The following APAF1 variants were observed in gnomAD, a reference collection of about 807,000 sequenced individuals.
APAF1 encodes the protein apoptotic protease-activating factor 1.
Under a neutral mutation model 152.4 loss-of-function variants are expected in APAF1, and 91 were observed. That is an observed-to-expected ratio of 0.60 (90% confidence interval 0.50 to 0.71). The LOEUF is 0.71. APAF1 is among the 30% of genes least tolerant of loss of function. APAF1 has a pLI of 0.00. For missense variants in APAF1, 1,283 were observed against 1,472.0 expected (o/e 0.87, Z 2.10); for synonymous variants, 484 against 494.1 (o/e 0.98, Z 0.27).
intron 23 of APAF1, 126 bp downstream of exon 23, chr12:98,723,438 G>T: frequency 8.7e-7 from 1 of 1,150,334 alleles, no homozygotes; most frequent in Non-Finnish European, 1.3e-6. Context: ...TCTCATGCTT[G>T]TTTTCTGTTA....
chr12:98,708,712 T>A lies in APAF1; in HGVS notation c.2841+8T>A, dbSNP rs753313527. On this transcript the variant is annotated splice_region_variant and intron_variant, in intron 20 of 26. Coordinates refer to ENST00000551964, the MANE Select transcript of APAF1 (RefSeq NM_181861.2). ...CATATAAGACGTCTGCAAGTGAGTA[T>A]TTTTTAGAAAACAATTGGAAAATTG... is the stretch of plus-strand genomic sequence containing the variant. 7.3e-5 allele frequency: 117 copies of A among 1,610,940 alleles called. No homozygotes were observed. The highest frequency in any genetic ancestry group is 1.7e-4 in the Middle Eastern group (1 of 6,004).
At chr12:98,656,759 G>A (rs1288027176) in intron 4 of APAF1, among the ~76,000 whole-genome samples, 1 of 152,156 alleles carries the variant, frequency 6.6e-6, no homozygotes, top group Non-Finnish European at 1.5e-5. Flanking sequence ...AAGTGACATG[G>A]CAACTTTTTT....
intron 16 of APAF1, among the ~76,000 whole-genome samples, chr12:98,696,515 C>T (rs956875317): frequency 2.0e-5 from 3 of 152,196 alleles, no homozygotes; most frequent in East Asian, 1.9e-4. Flanking sequence ...AATTTCAACA[C>T]GAGTTTGGGT....
At chr12:98,648,127 G>C (rs7303489) in intron 1 of APAF1, among the ~76,000 whole-genome samples, 192 bp from the exon 2 acceptor site, 59,720 of 151,910 alleles carry the variant, frequency 0.39, 12,516 homozygotes, top group African/African-American at 0.56. Flanking sequence ...TCATTTTCTA[G>C]TTTCCCCAAT....
At chr12:98,722,482 G>A (rs529740738) in intron 22 of APAF1, among the ~76,000 whole-genome samples, 1 of 152,248 alleles carries the variant, frequency 6.6e-6, no homozygotes, top group Admixed American at 6.5e-5. Flanking sequence ...AAATACAGTT[G>A]CTTTTAGTAA....
chr12:98,648,140 G>T (rs1185815655), intron 1 of APAF1, among the ~76,000 whole-genome samples, 179 bp from the exon 2 acceptor site: 1 of 152,066 alleles, frequency 6.6e-6, no homozygotes, highest in African/African-American at 2.4e-5. Context: ...TCCCCAATTA[G>T]TGCATAAGAA....
intron 4 of APAF1, among the ~76,000 whole-genome samples, chr12:98,656,524 G>A (rs745631210): frequency 2.0e-5 from 3 of 152,192 alleles, no homozygotes; most frequent in Non-Finnish European, 2.9e-5. Flanking sequence ...TCTGTCTCCA[G>A]TTGTTTGTTA....
chr12:98,720,104 CT>C (rs890754237), intron 22 of APAF1, among the ~76,000 whole-genome samples: 1 of 152,174 alleles, frequency 6.6e-6, no homozygotes, highest in African/African-American at 2.4e-5. Context: ...AAAACTACAT[CT>C]GATGAAGTTC....
At chr12:98,649,195 C>G (rs1437227342) in intron 3 of APAF1, 1 of 982,830 alleles carries the variant, frequency 1.0e-6, no homozygotes. Context: ...CACTTGCCTT[C>G]CCAGTCTTCA....
intron 16 of APAF1, among the ~76,000 whole-genome samples, chr12:98,688,754 C>G (rs1040134192): frequency 1.3e-5 from 2 of 151,568 alleles, no homozygotes; most frequent in African/African-American, 4.8e-5. Flanking sequence ...GCCACCAAGC[C>G]TAGCCTACCA....
At chr12:98,690,975 G>A (rs773698509) in intron 16 of APAF1, among the ~76,000 whole-genome samples, 5 of 152,120 alleles carry the variant, frequency 3.3e-5, no homozygotes, top group Non-Finnish European at 2.9e-5. Context: ...TTGGGAGGCC[G>A]AGGTGGGCGG....
rs767691718 is a variant in APAF1 at position 98,649,457 on chromosome 12, C to A, written c.329-30C>A. The A allele has an allele frequency of 3.7e-6, 6 of 1,604,200 alleles. No homozygotes were observed. In the East Asian group the frequency reaches 1.1e-4, roughly 30 times the overall value. ...TCAGTAATTATTCCAAAGTTCTATT[C>A]ATTCATGCTTGTTTTGTTTTGGATT... is the stretch of plus-strand genomic sequence containing the variant. On this transcript the variant is annotated intron_variant, in intron 3 of 26. Transcript: ENST00000551964.
At chr12:98,689,453 A>T (rs1006685807) in intron 16 of APAF1, among the ~76,000 whole-genome samples, 1 of 145,270 alleles carries the variant, frequency 6.9e-6, no homozygotes, top group African/African-American at 2.6e-5. Flanking sequence ...AGAGAGAGAG[A>T]GAGAGAGAGA....
intron 24 of APAF1, among the ~76,000 whole-genome samples, chr12:98,725,043 C>T (rs963295790): frequency 2.6e-5 from 4 of 152,098 alleles, no homozygotes; most frequent in African/African-American, 7.2e-5. Context: ...TTACAGATGC[C>T]GTGTCTGAAG....
chr12:98,665,495 T>C lies in APAF1; in HGVS notation c.956-58T>C, dbSNP rs1467518556. 3 of 1,177,588 alleles carry C rather than the reference T, an allele frequency of 2.5e-6. No individual in the cohort carries two copies. In the East Asian group the frequency reaches 7.0e-5, roughly 28 times the overall value. The allele number at this position is 1,177,588 out of a possible 1,614,324, so 72.9% of individuals were successfully genotyped here. A position where few individuals can be genotyped will look rare whatever the true frequency, so the allele number is the denominator to read the frequency against. ...TAGTAATGTAAGTAAGTAAGTCGAT[T>C]CTTATTAGTGACAAAATAGGATGGT... On this transcript the variant is annotated intron_variant, in intron 7 of 26. Coordinates refer to ENST00000551964, the MANE Select transcript of APAF1 (RefSeq NM_181861.2).
At chr12:98,654,889 C>T (rs1389865033) in intron 4 of APAF1, among the ~76,000 whole-genome samples, 1 of 112,286 alleles carries the variant, frequency 8.9e-6, no homozygotes, top group Non-Finnish European at 1.7e-5. Context: ...GGGGATTTGG[C>T]AGGGTCATGG....
intron 21 of APAF1, among the ~76,000 whole-genome samples, chr12:98,714,215 G>A (rs1343364185): frequency 6.6e-6 from 1 of 152,074 alleles, no homozygotes; most frequent in Non-Finnish European, 1.5e-5. Flanking sequence ...CTTAAAATAA[G>A]TCTTTTAGAT....
At chr12:98,669,039 A>G (rs1260837141) in intron 10 of APAF1, among the ~76,000 whole-genome samples, 1 of 152,208 alleles carries the variant, frequency 6.6e-6, no homozygotes, top group East Asian at 1.9e-4. Context: ...GTTATGATAC[A>G]TAGTAAATTG....
intron 12 of APAF1, among the ~76,000 whole-genome samples, chr12:98,675,733 G>T (rs2097685795): frequency 6.6e-6 from 1 of 152,134 alleles, no homozygotes; most frequent in Non-Finnish European, 1.5e-5. Context: ...ATGGATTTTG[G>T]TATCTGTAGT....
Sources: gnomAD v4.1 joint callset for allele counts (sites outside exome capture counted in the v4.1 genomes callset) on GRCh38, gnomAD v4.1.1 for gene constraint, MANE v1.5 for transcripts, NCBI Gene and HGNC (gene_info 2026-07-23, HGNC 2026-07-21) for gene names.